The following LAMA5 variants were observed in gnomAD, a reference collection of about 807,000 sequenced individuals.
The protein encoded by LAMA5 is laminin subunit alpha-5.
Under a neutral mutation model 433.4 loss-of-function variants are expected in LAMA5, and 260 were observed. That is an observed-to-expected ratio of 0.60 (90% CI 0.54 to 0.66). The LOEUF is 0.66. LAMA5 is among the 30% of genes least tolerant of loss of function. The pLI, the probability that LAMA5 is intolerant of heterozygous loss-of-function variation, is 0.00. For missense variants in LAMA5, 5,378 were observed against 5,258.5 expected (o/e 1.02, Z -0.70); for synonymous variants, 2,620 against 2,226.6 (o/e 1.18, Z -4.97).
rs1048665385 is a variant in LAMA5, at chr20:62,309,378, C to T, written c.11046G>A (p.Glu3682=). 4 of 1,590,550 alleles carry T rather than the reference C, an allele frequency of 2.5e-6. No homozygotes were observed. Among genetic ancestry groups the T allele is most frequent in the Middle Eastern group, 4.5e-4 (2 of 4,444 alleles). Residue 3682 remains glutamate, a synonymous_variant, in exon 80 of 80, where the codon GAG becomes GAA. Transcript: ENST00000252999. ...RSPVAMTRSV[E]VHGAVGASGC... ...CACTGGCCCCCACTGCCCCGTGGAC[C>T]TCCACAGAGCGAGTCATGGCGACGG... is the stretch of plus-strand genomic sequence containing the variant.
intron 19 of LAMA5, 21 bp downstream of exon 19, chr20:62,335,196 C>A: frequency 6.2e-7 from 1 of 1,612,858 alleles, no homozygotes; most frequent in East Asian, 2.2e-5. Context: ...AAATCCCCCA[C>A]ACCTTGGTCC....
intron 6 of LAMA5, chr20:62,351,277 G>C: frequency 4.1e-6 from 1 of 241,030 alleles, no homozygotes; most frequent in East Asian, 9.0e-5. Flanking sequence ...CACCCCCAAA[G>C]TGAATTAGGG....
At chr20:62,353,106 C>T (rs976820535) in intron 3 of LAMA5, 28 bp downstream of exon 3, 63 of 1,514,658 alleles carry the variant, frequency 4.2e-5, no homozygotes, top group Non-Finnish European at 4.7e-5. Context: ...TGCCTCTCCC[C>T]CCAGGCCCCA....
At chr20:62,366,861 C>G in intron 1 of LAMA5, 88 bp downstream of exon 1, 1 of 1,226,612 alleles carries the variant, frequency 8.2e-7, no homozygotes, top group Non-Finnish European at 1.0e-6. Context: ...GGACTCGCCC[C>G]GGGCCACGGC....
In LAMA5 at chr20:62,314,676, G is replaced by A. The variant is rs149487220; in HGVS notation, c.8246C>T (p.Thr2749Ile). 5 of 1,612,574 alleles carry A rather than the reference G, an allele frequency of 3.1e-6. No homozygotes were observed. The African/African-American group carries it at 4.0e-5, about 13-fold the overall frequency. ...FNGRSGVQLR[T>I]PRDLADLAAY... ...AGCAAGGTCGGCAAGATCCCGTGGG[G>A]TGCGCAGCTGCACCCCTGAGCGCCC... Residue 2749 changes from threonine (T) to isoleucine (I), a missense_variant, in exon 61 of 80, where the codon ACC becomes ATC. Physicochemically the swap from Thr to Ile is moderately conservative, Grantham distance 89 (BLOSUM62 -1). Coordinates refer to ENST00000252999, the MANE Select transcript of LAMA5 (RefSeq NM_005560.6).
In LAMA5 at chr20:62,333,712, CG is replaced by C; in HGVS notation, c.2879-7del. The C allele has an allele frequency of 6.3e-7, 1 of 1,578,786 alleles. No homozygotes were observed. Among genetic ancestry groups the C allele is most frequent in the Non-Finnish European group, 8.6e-7 (1 of 1,163,618 alleles). On this transcript the variant is annotated splice_region_variant and splice_polypyrimidine_tract_variant and intron_variant, in intron 23 of 79. Coordinates refer to ENST00000252999, the MANE Select transcript of LAMA5 (RefSeq NM_005560.6). ...GGGCTGACTCTGTGCTGTGCCTGGG[CG>C]GGGGCAGGGGTGAGACTCCTGAGCC...
chr20:62,362,617 C>T, intron 1 of LAMA5, 65 bp from the exon 2 acceptor site: 3 of 1,348,264 alleles, frequency 2.2e-6, no homozygotes, highest in Non-Finnish European at 2.9e-6. Context: ...CCTCCACAGT[C>T]ACCCTGCTGC....
chr20:62,340,301 C>CTTTT (rs1555881500), intron 11 of LAMA5, among the ~76,000 whole-genome samples: 2 of 92,644 alleles, frequency 2.2e-5, no homozygotes, highest in African/African-American at 3.0e-5. Flanking sequence ...AACAAGCCTC[C>CTTTT]TTTGTTTTTT....
chr20:62,311,705 C>A lies in LAMA5; in HGVS notation c.9715G>T (p.Glu3239Ter). The A allele has an allele frequency of 6.4e-7, 1 of 1,571,342 alleles. No individual in the cohort carries two copies. Among genetic ancestry groups the A allele is most frequent in the Non-Finnish European group, 8.6e-7 (1 of 1,159,418 alleles). ...GPPPELQPQP[E>*]GPPRLLLGGL... is the part of the protein sequence containing the mutation. ...CCCAGGAGGAGCCTCGGGGGCCCCT[C>A]AGGCTGCGGCTGGAGCTCGGGGGGT... Residue 3239 changes from glutamate to a stop codon, truncating the protein, a stop_gained, in exon 71 of 80, where the codon GAG becomes TAG. Coordinates refer to ENST00000252999, the MANE Select transcript of LAMA5 (RefSeq NM_005560.6). LOFTEE classifies it high-confidence loss of function.
Position 62,311,670 on chromosome 20 carries a change from A to C in LAMA5, c.9750T>G (p.Pro3250=), listed in dbSNP as rs1003384822. The C allele has an allele frequency of 6.3e-7, 1 of 1,594,526 alleles. No homozygotes were observed. The highest frequency in any genetic ancestry group is 1.3e-5 in the African/African-American group (1 of 74,640). Reference sequence around the variant, plus strand: ...TGAAGTTGTAAATGGTGCCAGACTCAGGCAGGCCTCCCAGGAGGAGCCTCG... The same window carrying C: ...TGAAGTTGTAAATGGTGCCAGACTCCGGCAGGCCTCCCAGGAGGAGCCTCG... ...GPPRLLLGGL[P]ESGTIYNFSG... is the part of the protein sequence containing the mutation. Residue 3250 remains proline, a synonymous_variant, in exon 71 of 80, where the codon CCT becomes CCG. Coordinates refer to ENST00000252999, the MANE Select transcript of LAMA5 (RefSeq NM_005560.6).
rs775900982 is a variant in LAMA5, at chr20:62,332,678, G to A, written c.3322C>T (p.Arg1108Cys). The A allele has an allele frequency of 1.2e-5, 20 of 1,611,036 alleles. No individual in the cohort carries two copies. Among genetic ancestry groups the A allele is most frequent in the Middle Eastern group, 1.6e-4 (1 of 6,070 alleles). ...GCGTACTCCACCACTAGGGCATAGC[G>A]GCCTGGCTGTGGCACTGCCACTTGA... Reference protein sequence around the residue: ...QLQVAVPQPGRYALVVEYANE... With the variant: ...QLQVAVPQPGCYALVVEYANE... Residue 1108 changes from arginine to cysteine, a missense_variant, in exon 27 of 80, where the codon CGC (arginine) becomes TGC (cysteine). Coordinates refer to ENST00000252999, the MANE Select transcript of LAMA5 (RefSeq NM_005560.6).
chr20:62,310,928 G>T lies in LAMA5; in HGVS notation c.10255C>A (p.Arg3419Ser). Residue 3419 changes from arginine (R) to serine (S), a missense_variant, in exon 74 of 80, where the codon CGC (arginine) becomes AGC (serine). Arg to Ser is a moderately radical substitution (Grantham distance 110). Coordinates refer to ENST00000252999, the MANE Select transcript of LAMA5 (RefSeq NM_005560.6). ...TTGTGCCAGCGGCCAGGCCGGGAGC[G>T]CTGGCGGCTCTGGGCGCGGAGCCGA... ...GTRLRAQSRQ[R>S]SRPGRWHKVS... 1 of 1,610,764 alleles carries T rather than the reference G, an allele frequency of 6.2e-7. No homozygotes were observed. The highest frequency in any genetic ancestry group is 1.1e-5 in the South Asian group (1 of 90,970).
chr20:62,321,764 T>C (rs149951275), intron 48 of LAMA5, among the ~76,000 whole-genome samples: 8,265 of 20,220 alleles, frequency 0.41, 963 homozygotes, highest in African/African-American at 0.54. Flanking sequence ...GTGGGGTCAG[T>C]GGGGGAGGAA....
At chr20:62,318,709 G>C in intron 52 of LAMA5, 59 bp from the exon 53 acceptor site, 1 of 1,585,006 alleles carries the variant, frequency 6.3e-7, no homozygotes, top group Non-Finnish European at 8.6e-7. Flanking sequence ...CATGACCCCT[G>C]GTCTCCACTT....
Position 62,333,214 on chromosome 20 carries a change from T to C in LAMA5, c.3158A>G (p.Asp1053Gly), listed in dbSNP as rs1488611486. Residue 1053 changes from aspartate to glycine, a missense_variant, in exon 26 of 80, where the codon GAT (aspartate) becomes GGT (glycine). Asp to Gly is a moderately conservative substitution (Grantham distance 94). Transcript: ENST00000252999. ...CAGCCCGGCGGCCGAGGGGAAGCCA[T>C]CCAGGGGGAGGTGTGTGTAGAGGAG... ...NCLLYTHLPL[D>G]GFPSAAGLEA... is the part of the protein sequence containing the mutation. 4.7e-5 allele frequency: 71 copies of C among 1,524,688 alleles called. No homozygotes were observed. The highest frequency in any genetic ancestry group is 6.3e-5 in the Non-Finnish European group (71 of 1,135,796). 94.4% of individuals were successfully genotyped at this position (1,524,688 alleles called of 1,614,324 possible). A position where few individuals can be genotyped will look rare whatever the true frequency, so the allele number is the denominator to read the frequency against.
Position 62,330,746 on chromosome 20 carries a change from G to A in LAMA5, c.3849C>T (p.Pro1283=), listed in dbSNP as rs1182950170. ...CTCTAGAGACTATGGCCCTCACCTG[G>A]GGCTCACGCAGCAGGGTGGGCTCTG... The part of the protein sequence containing the change: ...PDAEPTLLRE[P]QATVVFTTHV... Residue 1283 remains proline, a synonymous_variant, in exon 30 of 80, where the codon CCC becomes CCT. Transcript: ENST00000252999. 1.9e-6 allele frequency: 3 copies of A among 1,559,768 alleles called. No individual in the cohort carries two copies. The highest frequency in any genetic ancestry group is 2.6e-6 in the Non-Finnish European group (3 of 1,152,606).
Position 62,318,903 on chromosome 20 carries a change from C to T in LAMA5, c.6982G>A (p.Ala2328Thr), listed in dbSNP as rs199615528. 1.6e-3 allele frequency: 2,620 copies of T among 1,605,200 alleles called. 9 individuals carry two copies. Among genetic ancestry groups the T allele is most frequent in the Middle Eastern group, 9.8e-3 (59 of 6,040 alleles). The change falls in exon 52 of 80, where the codon GCC (alanine) becomes ACC (threonine). Residue 2328 changes from alanine (A) to threonine (T), a missense_variant. By Grantham distance (58) the Ala-to-Thr change is moderately conservative (BLOSUM62 0). Transcript: ENST00000252999. The part of the protein sequence containing the change: ...EVERLLWEMR[A>T]RDLGAPQAAA... ...GCCTGCGGGGCCCCCAGGTCCCGGG[C>T]CCGCATCTCCCAGAGCAGCCGCTCC...
In LAMA5 at chr20:62,309,196, AGCTATAACT is replaced by A; in HGVS notation, c.*131_*139del. 1.2e-6 allele frequency: 1 copy of A among 830,586 alleles called. No individual in the cohort carries two copies. Among genetic ancestry groups the A allele is most frequent in the Non-Finnish European group, 1.8e-6 (1 of 564,046 alleles). The allele number at this position is 830,586 out of a possible 1,614,324, so 51.5% of individuals were successfully genotyped here. On this transcript the variant is annotated 3_prime_UTR_variant, in exon 80 of 80. Coordinates refer to ENST00000252999, the MANE Select transcript of LAMA5 (RefSeq NM_005560.6). ...CAGTATTTTATTCTTTCGTTTAAGA[AGCTATAACT>A]TAAACCATCTTCAGAAACAAGATCT...
At chr20:62,336,904 C>T in intron 16 of LAMA5, 118 bp from the exon 17 acceptor site, 1 of 938,912 alleles carries the variant, frequency 1.1e-6, no homozygotes, top group Non-Finnish European at 1.7e-6. Flanking sequence ...GCACAGGTGC[C>T]TCTCATCCAC....
Sources: allele counts gnomAD v4.1 joint callset (sites outside exome capture counted in the v4.1 genomes callset), GRCh38; gene constraint gnomAD v4.1.1; transcripts MANE v1.5; gene names NCBI Gene and HGNC (gene_info 2026-07-23, HGNC 2026-07-21).